PPP6R2: variants seen among roughly 807,000 people sequenced by gnomAD.
PPP6R2 encodes protein phosphatase 6 regulatory subunit 2.
A neutral mutation model predicts 100.2 loss-of-function variants in PPP6R2; 62 were observed. That is an observed-to-expected ratio of 0.62 (90% CI 0.50 to 0.76). The LOEUF is 0.76. PPP6R2 is among the 30% of genes least tolerant of loss of function. PPP6R2 has a pLI of 0.00. For missense variants in PPP6R2, 1,142 were observed against 1,276.3 expected (o/e 0.89, Z 1.60); for synonymous variants, 525 against 514.7 (o/e 1.02, Z -0.27).
chr22:50,337,187 G>A, the PPP6R2 span, among the ~76,000 whole-genome samples: 1 of 137,080 alleles, frequency 7.3e-6, no homozygotes. Flanking sequence ...TGGGGTGTGT[G>A]CGTGTGTGCT....
At chr22:50,381,798 C>T (rs527556619) in intron 2 of PPP6R2, among the ~76,000 whole-genome samples, 1 of 151,800 alleles carries the variant, frequency 6.6e-6, no homozygotes, top group Non-Finnish European at 1.5e-5. Context: ...GTCCCAGCTA[C>T]TCAGGAGGCT....
intron 1 of PPP6R2, among the ~76,000 whole-genome samples, chr22:50,347,924 A>G (rs1261533984): frequency 6.6e-6 from 1 of 152,126 alleles, no homozygotes; most frequent in African/African-American, 2.4e-5. Flanking sequence ...TGTTGTGGGT[A>G]CACAATAGGT....
chr22:50,440,954 C>T lies in PPP6R2; in HGVS notation c.2507C>T (p.Ala836Val), dbSNP rs147624250. 4.3e-5 allele frequency: 69 copies of T among 1,613,098 alleles called. No homozygotes were observed. Among genetic ancestry groups the T allele is most frequent in the Non-Finnish European group, 5.0e-5 (59 of 1,179,772 alleles). Reference sequence around the variant, plus strand: ...CAGAAGGCAGCGAGTGCCATGGATGCGGTGAGCAGGGGTCCCGGCCGGGAG... The same window carrying T: ...CAGAAGGCAGCGAGTGCCATGGATGTGGTGAGCAGGGGTCCCGGCCGGGAG... ...GDQKAASAMD[A>V]VSRGPGREAP... The change falls in exon 22 of 24, where the codon GCG becomes GTG. Residue 836 changes from alanine (A) to valine (V), a missense_variant. Physicochemically the swap from Ala to Val is moderately conservative, Grantham distance 64 (BLOSUM62 0). Coordinates refer to ENST00000612753, the MANE Select transcript of PPP6R2 (RefSeq NM_001242898.2).
At chr22:50,378,543 G>A (rs1047610778) in intron 2 of PPP6R2, among the ~76,000 whole-genome samples, 2 of 151,356 alleles carry the variant, frequency 1.3e-5, no homozygotes, top group Non-Finnish European at 2.9e-5. Context: ...CTGAGATGGC[G>A]CCATTGCACT....
intron 19 of PPP6R2, among the ~76,000 whole-genome samples, chr22:50,439,433 T>G (rs1336496464): frequency 6.6e-6 from 1 of 152,076 alleles, no homozygotes; most frequent in Non-Finnish European, 1.5e-5. Flanking sequence ...ACTGTCAGTG[T>G]CAGTCCTGCT....
chr22:50,352,643 T>C (rs1487392839), intron 1 of PPP6R2, among the ~76,000 whole-genome samples: 1 of 151,592 alleles, frequency 6.6e-6, no homozygotes, highest in East Asian at 1.9e-4. Flanking sequence ...AAGAATTGCT[T>C]GAACCAAGGA....
intron 8 of PPP6R2, among the ~76,000 whole-genome samples, 197 bp from the exon 9 acceptor site, chr22:50,422,057 G>A (rs565349075): frequency 2.0e-5 from 3 of 152,174 alleles, no homozygotes; most frequent in South Asian, 2.1e-4. Flanking sequence ...CTGCCTGAAG[G>A]TCTTTAGTAC....
At position 50,404,501 on chromosome 22, in the gene PPP6R2, C is replaced by T. The variant is rs535052278; in HGVS notation, c.228-2188C>T. Among the ~76,000 whole-genome samples, 5 of 151,808 alleles carry T rather than the reference C, an allele frequency of 3.3e-5. No homozygotes were observed. In the East Asian group the frequency reaches 5.8e-4, roughly 18 times the overall value. On this transcript the variant is annotated intron_variant, in intron 3 of 23. Transcript: ENST00000612753. ...TGCCTCCCGGGCTCAAGCCATCCTG[C>T]GCCTCCCGGGCTCAAGCCATCCTGC...
At position 50,416,088 on chromosome 22, in the gene PPP6R2, T is replaced by G. The variant is rs745562700; in HGVS notation, c.553-4T>G. On this transcript the variant is annotated splice_polypyrimidine_tract_variant and splice_region_variant and intron_variant, in intron 5 of 23. Transcript: ENST00000612753. ...ACACTGAAAGGCCTCTTTTTCTCTTTCAGTGGCTGAATGAAGAGAAGGTCA... is the reference window on the plus strand; with the variant it reads ...ACACTGAAAGGCCTCTTTTTCTCTTGCAGTGGCTGAATGAAGAGAAGGTCA... 11 of 1,612,492 alleles carry G rather than the reference T, an allele frequency of 6.8e-6. No homozygotes were observed. The Admixed American group carries it at 1.8e-4, about 27-fold the overall frequency.
At chr22:50,387,817 A>T (rs2054555592) in intron 2 of PPP6R2, among the ~76,000 whole-genome samples, 1 of 152,148 alleles carries the variant, frequency 6.6e-6, no homozygotes, top group Non-Finnish European at 1.5e-5. Context: ...CCGTCTCTTT[A>T]CGCTGAGGGT....
upstream of PPP6R2, among the ~76,000 whole-genome samples, chr22:50,339,672 G>A (rs1367378857): frequency 2.2e-5 from 3 of 138,584 alleles, no homozygotes; most frequent in African/African-American, 5.3e-5. Context: ...TGTTTCGAGT[G>A]TGTGTTGTGT....
At chr22:50,383,182 A>G (rs778296986) in intron 2 of PPP6R2, among the ~76,000 whole-genome samples, 5 of 152,104 alleles carry the variant, frequency 3.3e-5, no homozygotes, top group Non-Finnish European at 7.4e-5. Flanking sequence ...TGAATACTCA[A>G]GGTGTGATTG....
chr22:50,391,008 A>G (rs1313201445), intron 2 of PPP6R2, among the ~76,000 whole-genome samples: 1 of 151,234 alleles, frequency 6.6e-6, no homozygotes, highest in African/African-American at 2.4e-5. Context: ...CAAAAAAAAA[A>G]AAAAGAAAAG....
chr22:50,350,995 CTT>C (rs528611885), intron 1 of PPP6R2, among the ~76,000 whole-genome samples: 160 of 109,508 alleles, frequency 1.5e-3, no homozygotes, highest in African/African-American at 5.9e-3. Context: ...TGAAAGGAAT[CTT>C]TTTTTTCTGA....
At chr22:50,424,404 TGTGTGGAAGGTCCGTCCGC>T (rs2061753917) in intron 10 of PPP6R2, among the ~76,000 whole-genome samples, 10 of 67,102 alleles carry the variant, frequency 1.5e-4, no homozygotes, top group Admixed American at 1.4e-3. Flanking sequence ...GGTCCGTCAG[TGTGTGGAAGGTCCGTCCGC>T]GTGTGGAAGG....
chr22:50,435,339 C>T (rs1045695234), intron 13 of PPP6R2, among the ~76,000 whole-genome samples: 1 of 152,224 alleles, frequency 6.6e-6, no homozygotes, highest in African/African-American at 2.4e-5. Flanking sequence ...GACAGTCCCT[C>T]CCGGGGTAGT....
chr22:50,411,816 C>T (rs937225445), intron 4 of PPP6R2, among the ~76,000 whole-genome samples: 8 of 151,822 alleles, frequency 5.3e-5, no homozygotes, highest in Non-Finnish European at 1.0e-4. Context: ...GAGGCCGAGG[C>T]GGGCGGATCA....
intron 1 of PPP6R2, among the ~76,000 whole-genome samples, chr22:50,357,983 G>A (rs1324935160): frequency 2.6e-5 from 4 of 151,820 alleles, no homozygotes; most frequent in African/African-American, 7.3e-5. Flanking sequence ...ACACGGTCTC[G>A]CTTTGTTGCC....
intron 4 of PPP6R2, among the ~76,000 whole-genome samples, chr22:50,412,494 T>G (rs1257667550): frequency 6.6e-6 from 1 of 152,136 alleles, no homozygotes; most frequent in African/African-American, 2.4e-5. Flanking sequence ...GGGGTTATTT[T>G]TTCTTAAATG....
Sources: allele counts gnomAD v4.1 joint callset (sites outside exome capture counted in the v4.1 genomes callset), GRCh38; gene constraint gnomAD v4.1.1; transcripts MANE v1.5; gene names NCBI Gene and HGNC (gene_info 2026-07-23, HGNC 2026-07-21).